The following SEL1L2 variants were observed in gnomAD, a reference collection of about 807,000 sequenced individuals.
SEL1L2 encodes SEL1L2 adaptor subunit of SYVN1 ubiquitin ligase, also known as protein sel-1 homolog 2.
Under a neutral mutation model 98.8 loss-of-function variants are expected in SEL1L2, and 89 were observed. That is an observed-to-expected ratio of 0.90 (90% CI 0.76 to 1.07). The LOEUF (loss-of-function observed/expected upper bound fraction) is 1.07. Ranked by LOEUF, SEL1L2 falls within the 50% of genes least tolerant of loss-of-function variation. The pLI is 0.00. For missense variants in SEL1L2, 788 were observed against 812.0 expected (o/e 0.97, Z 0.36); for synonymous variants, 262 against 278.5 (o/e 0.94, Z 0.59).
chr20:13,852,210 T>C (rs1187509676), intron 18 of SEL1L2, among the ~76,000 whole-genome samples: 2 of 152,206 alleles, frequency 1.3e-5, no homozygotes, highest in Non-Finnish European at 2.9e-5. Flanking sequence ...TCAATAGTTA[T>C]TCACTTATGT....
At chr20:13,947,455 G>C (rs187265733) in intron 2 of SEL1L2, among the ~76,000 whole-genome samples, 1 of 151,998 alleles carries the variant, frequency 6.6e-6, no homozygotes, top group South Asian at 2.1e-4. Context: ...ACCCACTTTG[G>C]GTCTCCTGAA....
chr20:13,913,689 A>G (rs2048292940), intron 5 of SEL1L2, 93 bp downstream of exon 5: 1 of 1,165,148 alleles, frequency 8.6e-7, no homozygotes, highest in African/African-American at 1.6e-5. Context: ...CATGCAGCAG[A>G]GCTGGAATAC....
At chr20:13,933,867 C>A (rs917577646) in intron 2 of SEL1L2, among the ~76,000 whole-genome samples, 6 of 151,756 alleles carry the variant, frequency 4.0e-5, no homozygotes, top group African/African-American at 1.5e-4. Flanking sequence ...GGAAGGGGCA[C>A]ATAGTGCTTT....
chr20:13,963,268 A>G (rs1249542237), intron 1 of SEL1L2, among the ~76,000 whole-genome samples: 1 of 151,658 alleles, frequency 6.6e-6, no homozygotes, highest in East Asian at 1.9e-4. Flanking sequence ...CTTAACTTCC[A>G]CGGACTATTG....
At chr20:13,869,827 A>G (rs1238454932) in intron 13 of SEL1L2, among the ~76,000 whole-genome samples, 1 of 152,158 alleles carries the variant, frequency 6.6e-6, no homozygotes, top group Non-Finnish European at 1.5e-5. Flanking sequence ...TTTGTTAGAT[A>G]TTGGGGGAAG....
Position 13,850,327 on chromosome 20 carries a change from G to A in SEL1L2, c.1819-8C>T, listed in dbSNP as rs1568813863. 1.9e-6 allele frequency: 3 copies of A among 1,613,892 alleles called. No individual in the cohort carries two copies. Among genetic ancestry groups the A allele is most frequent in the African/African-American group, 1.3e-5 (1 of 75,056 alleles). On this transcript the variant is annotated splice_region_variant and splice_polypyrimidine_tract_variant and intron_variant, in intron 18 of 19. Coordinates refer to ENST00000284951, the MANE Select transcript of SEL1L2 (RefSeq NM_025229.2). Reference sequence around the variant, plus strand: ...TCTGGCCAAGTGAATGTCCTAGAAGGAGAAGAATAGCCCTACCCATCAGAT... The same window carrying A: ...TCTGGCCAAGTGAATGTCCTAGAAGAAGAAGAATAGCCCTACCCATCAGAT...
intron 18 of SEL1L2, among the ~76,000 whole-genome samples, chr20:13,851,769 G>T (rs944779316): frequency 6.6e-6 from 1 of 151,774 alleles, no homozygotes; most frequent in East Asian, 1.9e-4. Context: ...CACAAACTGT[G>T]GTCATCCTAA....
intron 3 of SEL1L2, among the ~76,000 whole-genome samples, chr20:13,922,585 G>A (rs1859360088): frequency 6.6e-6 from 1 of 152,150 alleles, no homozygotes; most frequent in African/African-American, 2.4e-5. Context: ...AGGATGCAGT[G>A]TCTGTGTAGG....
chr20:13,966,235 T>C (rs1029560890), intron 1 of SEL1L2, among the ~76,000 whole-genome samples: 1 of 152,194 alleles, frequency 6.6e-6, no homozygotes, highest in African/African-American at 2.4e-5. Flanking sequence ...ATTTGTGAGA[T>C]GCTTATTTTT....
intron 1 of SEL1L2, among the ~76,000 whole-genome samples, chr20:13,972,069 G>A (rs1246543089): frequency 6.6e-6 from 1 of 152,036 alleles, no homozygotes; most frequent in African/African-American, 2.4e-5. Context: ...ACACACACAC[G>A]CCCTCTATGT....
At chr20:13,890,672 C>A (rs2047168189) in intron 5 of SEL1L2, among the ~76,000 whole-genome samples, 2 of 152,050 alleles carry the variant, frequency 1.3e-5, no homozygotes, top group African/African-American at 4.8e-5. Flanking sequence ...ATCCTGAAAT[C>A]AACCTTAAAG....
chr20:13,913,649 T>G, intron 5 of SEL1L2, 133 bp downstream of exon 5: 1 of 735,926 alleles, frequency 1.4e-6, no homozygotes, highest in Non-Finnish European at 2.0e-6. Flanking sequence ...ACTGTTTCAG[T>G]GCATTATGGT....
intron 13 of SEL1L2, among the ~76,000 whole-genome samples, chr20:13,869,851 C>T (rs2046100453): frequency 6.6e-6 from 1 of 152,090 alleles, no homozygotes; most frequent in South Asian, 2.1e-4. Flanking sequence ...ACTCAAAAGA[C>T]TATGAAGATA....
At chr20:13,892,084 G>A (rs1042366569) in intron 5 of SEL1L2, among the ~76,000 whole-genome samples, 1 of 152,176 alleles carries the variant, frequency 6.6e-6, no homozygotes, top group African/African-American at 2.4e-5. Flanking sequence ...ACATACAGTG[G>A]TGGGGATATA....
At position 13,906,749 on chromosome 20, in the gene SEL1L2, G is replaced by C. The variant is rs138727995; in HGVS notation, c.549+7033C>G. Among the ~76,000 whole-genome samples, 148 of 152,218 alleles carry C rather than the reference G, an allele frequency of 9.7e-4. 2 individuals are homozygous for C. The East Asian group carries it at 0.027, about 28-fold the overall frequency. On this transcript the variant is annotated intron_variant, in intron 5 of 19. Coordinates refer to ENST00000284951, the MANE Select transcript of SEL1L2 (RefSeq NM_025229.2). ...GCTGGAGTGCAGTGGCCCCATCTAGGCTCACTGCAACCTCTGCCTCCCAGG... is the reference window on the plus strand; with the variant it reads ...GCTGGAGTGCAGTGGCCCCATCTAGCCTCACTGCAACCTCTGCCTCCCAGG...
chr20:13,849,693 A>G (rs1480424218), intron 19 of SEL1L2, 89 bp from the exon 20 acceptor site: 60 of 1,461,340 alleles, frequency 4.1e-5, no homozygotes, highest in Non-Finnish European at 2.2e-5. Context: ...ACCACCACCA[A>G]CCCTCCTCCC....
upstream of SEL1L2, chr20:13,995,304 G>T: frequency 4.2e-6 from 1 of 235,390 alleles, no homozygotes; most frequent in South Asian, 4.7e-5. This position sits in a 1 kb window ranked among gnomAD's most constrained non-coding sequence, Gnocchi z 4.3. Flanking sequence ...CCGCCCCCTC[G>T]CTCCCTGGCT....
At chr20:13,974,013 C>T (rs140135662) in intron 1 of SEL1L2, among the ~76,000 whole-genome samples, 39 of 152,158 alleles carry the variant, frequency 2.6e-4, no homozygotes, top group African/African-American at 8.2e-4. Flanking sequence ...TAGCATTTTC[C>T]GTTGAAAAGG....
intron 2 of SEL1L2, among the ~76,000 whole-genome samples, chr20:13,946,571 A>G (rs930754875): frequency 5.9e-5 from 9 of 152,258 alleles, no homozygotes; most frequent in African/African-American, 1.9e-4. Context: ...CAGGGGAAGC[A>G]CGCTTAGGGC....
Sources: gnomAD v4.1 joint callset for allele counts (sites outside exome capture counted in the v4.1 genomes callset) on GRCh38, gnomAD v4.1.1 for gene constraint, Gnocchi (gnomAD v3.1) non-coding constraint, MANE v1.5 for transcripts, NCBI Gene and HGNC (gene_info 2026-07-23, HGNC 2026-07-21) for gene names.